The following HIPK2 variants were observed in gnomAD, a reference collection of about 807,000 sequenced individuals.
The protein encoded by HIPK2 is homeodomain-interacting protein kinase 2.
In HIPK2, 27 loss-of-function variants were observed where a neutral mutation model predicts 113.7. That is an observed-to-expected ratio of 0.24 (90% confidence interval 0.17 to 0.33). The LOEUF is 0.33. Ranked by LOEUF, HIPK2 falls within the 10% of genes least tolerant of loss-of-function variation. The probability of loss-of-function intolerance (pLI) is 1.00; values close to 1 mark genes in which losing one functional copy is unlikely to be tolerated. For missense variants in HIPK2, 1,257 were observed against 1,588.0 expected (o/e 0.79, Z 3.54); for synonymous variants, 631 against 642.2 (o/e 0.98, Z 0.26).
intron 14 of HIPK2, among the ~76,000 whole-genome samples, chr7:139,573,714 G>A (rs1328048572): frequency 1.3e-5 from 2 of 152,006 alleles, no homozygotes; most frequent in African/African-American, 2.4e-5. Flanking sequence ...ATGGTGGCAC[G>A]TGCCTTGTCT....
chr7:139,690,188 C>T lies in HIPK2; in HGVS notation c.1103+25744G>A, dbSNP rs182519688. ...GACCCATTCCTGAACACTTGCTTGC[C>T]CAACTACGTCAGTGTAAAGGGGTGG... On this transcript the variant is annotated intron_variant, in intron 2 of 14. Coordinates refer to ENST00000406875, the MANE Select transcript of HIPK2 (RefSeq NM_022740.5). Among the ~76,000 whole-genome samples the T allele has an allele frequency of 3.3e-5, 5 of 152,234 alleles. No homozygotes were observed. The East Asian group carries it at 9.7e-4, about 29-fold the overall frequency.
chr7:139,764,250 C>T (rs1462832966), intron 1 of HIPK2, among the ~76,000 whole-genome samples: 1 of 152,222 alleles, frequency 6.6e-6, no homozygotes, highest in Non-Finnish European at 1.5e-5. Context: ...ACTGATACTA[C>T]GTATTGATCA....
intron 6 of HIPK2, among the ~76,000 whole-genome samples, chr7:139,624,907 A>G (rs1197903766): frequency 3.3e-5 from 5 of 152,164 alleles, no homozygotes; most frequent in Non-Finnish European, 1.5e-5. Flanking sequence ...GGGCTCAACA[A>G]TTCCACCGTA....
chr7:139,614,429 G>A lies in HIPK2; in HGVS notation c.1847C>T (p.Pro616Leu). 1 of 1,546,592 alleles carries A rather than the reference G, an allele frequency of 6.5e-7. No homozygotes were observed. Among genetic ancestry groups the A allele is most frequent in the African/African-American group, 1.4e-5 (1 of 72,662 alleles). The change falls in exon 8 of 15, where the codon CCA becomes CTA. Residue 616 changes from proline (P) to leucine (L), a missense_variant. Around this residue, in one of 5 missense-constraint regions of HIPK2, gnomAD observed 862 missense variants for 1,004.3 expected, o/e 0.86. Transcript: ENST00000406875. Reference protein sequence around the residue: ...ANPEVSILNYPSTLYQPSAAS... With the variant: ...ANPEVSILNYLSTLYQPSAAS... Reference sequence around the variant, plus strand: ...CGCTGAGGGCTGGTAGAGTGTAGATGGGTAGTTTAGTATGGAGACTTCGGG... The same window carrying A: ...CGCTGAGGGCTGGTAGAGTGTAGATAGGTAGTTTAGTATGGAGACTTCGGG...
In HIPK2 at chr7:139,694,243, TCA is replaced by T. The variant is rs1330477826; in HGVS notation, c.1103+21687_1103+21688del. On this transcript the variant is annotated intron_variant, in intron 2 of 14. Transcript: ENST00000406875. The stretch of plus-strand genomic sequence containing the variant: ...ACTTTAATCCATCCTCCTGTAACTC[TCA>T]CAGTCTGCCATGCTCCACTCTGCCA... Among the ~76,000 whole-genome samples, 4 of 152,268 alleles carry T rather than the reference TCA, an allele frequency of 2.6e-5. No individual in the cohort carries two copies. In the East Asian group the frequency reaches 5.8e-4, roughly 22 times the overall value.
intron 7 of HIPK2, among the ~76,000 whole-genome samples, chr7:139,615,423 CA>C (rs1237468082): frequency 1.3e-5 from 2 of 152,340 alleles, no homozygotes; most frequent in African/African-American, 4.8e-5. Context: ...TTGACAAACA[CA>C]AGCCATTGAC....
chr7:139,590,501 CAGG>C (rs1798981027), intron 12 of HIPK2, among the ~76,000 whole-genome samples: 1 of 152,136 alleles, frequency 6.6e-6, no homozygotes, highest in African/African-American at 2.4e-5. Flanking sequence ...CCTTCAAGAC[CAGG>C]GTCAAAACTC....
chr7:139,728,200 C>G lies in HIPK2; in HGVS notation c.20-11185G>C, dbSNP rs187676201. Reference sequence around the variant, plus strand: ...TCAAGCGATCCTCCTGCCTCACACTCTCAAGGTGCTGGGATTACAGGTGTG... The same window carrying G: ...TCAAGCGATCCTCCTGCCTCACACTGTCAAGGTGCTGGGATTACAGGTGTG... On this transcript the variant is annotated intron_variant, in intron 1 of 14. Coordinates refer to ENST00000406875, the MANE Select transcript of HIPK2 (RefSeq NM_022740.5). 2.4e-4 allele frequency among the ~76,000 whole-genome samples: 37 copies of G among 152,252 alleles called. No individual in the cohort carries two copies. In the East Asian group the frequency reaches 6.7e-3, roughly 28 times the overall value.
intron 12 of HIPK2, among the ~76,000 whole-genome samples, chr7:139,588,276 C>T (rs992013830): frequency 2.0e-5 from 3 of 151,942 alleles, no homozygotes; most frequent in African/African-American, 7.3e-5. Flanking sequence ...AGAGATCACA[C>T]CACCACACTC....
At chr7:139,654,005 T>C (rs901629830) in intron 2 of HIPK2, among the ~76,000 whole-genome samples, 1 of 152,170 alleles carries the variant, frequency 6.6e-6, no homozygotes, top group African/African-American at 2.4e-5. Context: ...AGTGCTAGGA[T>C]TATAGGCGTG....
chr7:139,589,720 C>A (rs1209618368), intron 12 of HIPK2, among the ~76,000 whole-genome samples: 1 of 152,216 alleles, frequency 6.6e-6, no homozygotes, highest in African/African-American at 2.4e-5. Flanking sequence ...GGAAACCCAA[C>A]AGGTAGTGAG....
At position 139,667,406 on chromosome 7, in the gene HIPK2, A is replaced by T. The variant is rs1393636637; in HGVS notation, c.1104-35681T>A. ...ATTTTAAGGAATGAGATCATCAGGT[A>T]AAAGGATATAAAAATATTCATGGCT... On this transcript the variant is annotated intron_variant, in intron 2 of 14. Transcript: ENST00000406875. Among the ~76,000 whole-genome samples the T allele has an allele frequency of 7.9e-5, 12 of 152,350 alleles. No homozygotes were observed. In the South Asian group the frequency reaches 2.3e-3, roughly 29 times the overall value.
chr7:139,640,873 C>G (rs1800990786), intron 2 of HIPK2, among the ~76,000 whole-genome samples: 1 of 152,132 alleles, frequency 6.6e-6, no homozygotes, highest in Admixed American at 6.5e-5. Context: ...GCTTCAGCCT[C>G]CCAAAGTGTT....
Position 139,759,180 on chromosome 7 carries a change from A to C in HIPK2, c.19+18425T>G, listed in dbSNP as rs9886116. On this transcript the variant is annotated intron_variant, in intron 1 of 14. Transcript: ENST00000406875. ...TAAACACAAAATGACATTTAAATAC[A>C]TGAAAATATGATCAACCTTACTTAT... Among the ~76,000 whole-genome samples, 781 of 152,366 alleles carry C rather than the reference A, an allele frequency of 5.1e-3. 11 individuals are homozygous for C. Among genetic ancestry groups the C allele is most frequent in the African/African-American group, 0.018 (743 of 41,588 alleles).
At chr7:139,597,363 C>A (rs1048420403) in intron 11 of HIPK2, among the ~76,000 whole-genome samples, 2 of 152,296 alleles carry the variant, frequency 1.3e-5, no homozygotes, top group Admixed American at 6.5e-5. Context: ...AGGGTCAAGG[C>A]CCTACTTCTG....
chr7:139,629,036 G>A lies in HIPK2; in HGVS notation c.1351C>T (p.Pro451Ser), dbSNP rs1800523434. The change falls in exon 5 of 15, where the codon CCA becomes TCA. Residue 451 changes from proline to serine, a missense_variant. By Grantham distance (74) the Pro-to-Ser change is moderately conservative. This residue lies in a region of HIPK2 where 84 missense variants were observed against 182.2 expected (regional missense o/e 0.46). Transcript: ENST00000406875. Reference protein sequence around the residue: ...SPYPLWRLKTPDDHEAETGIK... With the variant: ...SPYPLWRLKTSDDHEAETGIK... ...CCTGTCTCTGCTTCATGGTCATCTG[G>A]TGTCTGTCAAGAGAGGCAAAAGCCA... The A allele has an allele frequency of 1.3e-6, 2 of 1,587,208 alleles. No homozygotes were observed. The highest frequency in any genetic ancestry group is 1.7e-6 in the Non-Finnish European group (2 of 1,164,600).
chr7:139,685,350 A>G (rs1650026889), intron 2 of HIPK2, among the ~76,000 whole-genome samples: 1 of 151,960 alleles, frequency 6.6e-6, no homozygotes, highest in South Asian at 2.1e-4. Context: ...TTTTGTACAG[A>G]CAAGGTTTCG....
intron 12 of HIPK2, among the ~76,000 whole-genome samples, chr7:139,588,506 A>ACT (rs34648910): frequency 0.21 from 31,530 of 148,528 alleles, 4,306 homozygotes; most frequent in African/African-American, 0.39. Context: ...ACACAGCCAG[A>ACT]CTGTCTTAAA....
intron 13 of HIPK2, among the ~76,000 whole-genome samples, chr7:139,582,552 T>C (rs994053938): frequency 6.6e-6 from 1 of 152,218 alleles, no homozygotes; most frequent in Non-Finnish European, 1.5e-5. Context: ...AGCAGGGTGC[T>C]GAGAAGCTGC....
Sources: gnomAD v4.1 joint callset for allele counts (sites outside exome capture counted in the v4.1 genomes callset) on GRCh38, gnomAD v4.1.1 for gene constraint, gnomAD v4.1.1 regional missense constraint, MANE v1.5 for transcripts, NCBI Gene and HGNC (gene_info 2026-07-23, HGNC 2026-07-21) for gene names.